The following GLP1R variants were observed in gnomAD, a reference collection of about 807,000 sequenced individuals.
The protein encoded by GLP1R is glucagon like peptide 1 receptor.
GLP1R carries 32 observed loss-of-function variants against 68.4 expected under a neutral mutation model. The ratio of observed to expected loss-of-function variants is 0.47; its 90% CI spans 0.35 to 0.63. The LOEUF (loss-of-function observed/expected upper bound fraction) is 0.63. Ranked by LOEUF, GLP1R falls within the 20% of genes least tolerant of loss-of-function variation. The pLI, the probability that GLP1R is intolerant of heterozygous loss-of-function variation, is 0.00. For missense variants in GLP1R, 502 were observed against 594.9 expected, an observed-to-expected ratio of 0.84 and a Z score of 1.62; for synonymous variants, 263 against 244.4, an observed-to-expected ratio of 1.08 and a Z score of -0.71.
intron 4 of GLP1R, 104 bp downstream of exon 4, chr6:39,065,933 T>C: frequency 1.4e-6 from 1 of 711,316 alleles, no homozygotes; most frequent in South Asian, 1.7e-5. Flanking sequence ...TGTGGTCATT[T>C]CATCCATCTC....
chr6:39,088,377 G>A lies in GLP1R; in HGVS notation c.*2304G>A, dbSNP rs1464677997. Reference sequence around the variant, plus strand: ...CCTAAGCTAAATATGGCTCCAACAGGTCTGGGAACTATTGAATGCAATGTA... The same window carrying A: ...CCTAAGCTAAATATGGCTCCAACAGATCTGGGAACTATTGAATGCAATGTA... On this transcript the variant is annotated 3_prime_UTR_variant, in exon 13 of 13. Transcript: ENST00000373256. Among the ~76,000 whole-genome samples, 1 of 152,072 alleles carries A rather than the reference G, an allele frequency of 6.6e-6. No individual in the cohort carries two copies. Among genetic ancestry groups the A allele is most frequent in the East Asian group, 1.9e-4 (1 of 5,190 alleles).
chr6:39,052,645 G>A (rs1313014193), intron 1 of GLP1R, among the ~76,000 whole-genome samples: 6 of 152,184 alleles, frequency 3.9e-5, no homozygotes, highest in Non-Finnish European at 7.3e-5. Context: ...CCACCACCCC[G>A]GGGGCTTCCA....
rs776147913 is a variant in GLP1R at position 39,087,553 on chromosome 6, G to A, written c.*1480G>A. The A allele has an allele frequency of 2.6e-5, 4 of 152,194 alleles. No homozygotes were observed. Among genetic ancestry groups the A allele is most frequent in the Non-Finnish European group, 4.4e-5 (3 of 68,064 alleles). 9.4% of individuals were successfully genotyped at this position (152,194 alleles called of 1,614,324 possible). ...GAGAGAGCTCGCTCTTGGGAGTCAG[G>A]ACCTCCGGGGAGAGCAGAGGGTTCC... is the stretch of plus-strand genomic sequence containing the variant. On this transcript the variant is annotated 3_prime_UTR_variant, in exon 13 of 13. Coordinates refer to ENST00000373256, the MANE Select transcript of GLP1R (RefSeq NM_002062.5).
intron 5 of GLP1R, among the ~76,000 whole-genome samples, chr6:39,071,976 A>G (rs958092026): frequency 6.6e-6 from 1 of 152,214 alleles, no homozygotes; most frequent in Non-Finnish European, 1.5e-5. Flanking sequence ...GATCTTACCT[A>G]TCTTCTGTTA....
In GLP1R at chr6:39,049,374, G is replaced by C. The variant is rs927162203; in HGVS notation, c.78+456G>C. 6.6e-6 allele frequency among the ~76,000 whole-genome samples: 1 copy of C among 152,120 alleles called. No homozygotes were observed. The highest frequency in any genetic ancestry group is 2.4e-5 in the African/African-American group (1 of 41,424). On this transcript the variant is annotated intron_variant, in intron 1 of 12. Coordinates refer to ENST00000373256, the MANE Select transcript of GLP1R (RefSeq NM_002062.5). This position sits in a 1 kb window ranked among gnomAD's most constrained non-coding sequence, Gnocchi z 4.5. Reference sequence around the variant, plus strand: ...TCCCCAGACAATCCACCTGCTCAAAGACCCTGAGAAGACCCTGGGAGGAGC... The same window carrying C: ...TCCCCAGACAATCCACCTGCTCAAACACCCTGAGAAGACCCTGGGAGGAGC...
In GLP1R at chr6:39,090,246, C is replaced by G. The variant is rs892787687; in HGVS notation, c.*4173C>G. On this transcript the variant is annotated 3_prime_UTR_variant, in exon 13 of 13. Transcript: ENST00000373256. ...TGTCTGCAGTATCTATAAGTACTTC[C>G]GCTCTGTCAAGGAATACAGACTGGC... Among the ~76,000 whole-genome samples the G allele has an allele frequency of 1.3e-5, 2 of 152,172 alleles. No individual in the cohort carries two copies. Among genetic ancestry groups the G allele is most frequent in the Non-Finnish European group, 2.9e-5 (2 of 68,038 alleles).
chr6:39,079,223 A>G lies in GLP1R; in HGVS notation c.1043+23A>G. 2 of 1,514,992 alleles carry G rather than the reference A, an allele frequency of 1.3e-6. No individual in the cohort carries two copies. The highest frequency in any genetic ancestry group is 1.8e-6 in the Non-Finnish European group (2 of 1,089,432). 93.8% of individuals were successfully genotyped at this position (1,514,992 alleles called of 1,614,324 possible). A position where few individuals can be genotyped will look rare whatever the true frequency, so the allele number is the denominator to read the frequency against. On this transcript the variant is annotated intron_variant, in intron 10 of 12. Coordinates refer to ENST00000373256, the MANE Select transcript of GLP1R (RefSeq NM_002062.5). The surrounding 1 kb of genome is among the most constrained non-coding windows in gnomAD (Gnocchi z 4.5). ...CAGGTGATGTAACTGAGCTGGCTTT[A>G]CTGAGGACCCTCAGCAAGTGCCCCT...
At chr6:39,059,906 C>T (rs1161006930) in intron 3 of GLP1R, among the ~76,000 whole-genome samples, 1 of 152,126 alleles carries the variant, frequency 6.6e-6, no homozygotes, top group Admixed American at 6.5e-5. Flanking sequence ...TGGTGGTGCC[C>T]GTTTATGAGC....
At position 39,048,845 on chromosome 6, in the gene GLP1R, C is replaced by A; in HGVS notation, c.5C>A (p.Ala2Asp). Residue 2 changes from alanine (A) to aspartate (D), a missense_variant, in exon 1 of 13, where the codon GCC becomes GAC. Physicochemically the swap from Ala to Asp is moderately radical, Grantham distance 126. Coordinates refer to ENST00000373256, the MANE Select transcript of GLP1R (RefSeq NM_002062.5). The part of the protein sequence containing the change: M[A>D]GAPGPLRLAL... ...CCCAGTCCTGAACTCCCCGCCATGG[C>A]CGGCGCCCCCGGCCCGCTGCGCCTT... The A allele has an allele frequency of 6.8e-7, 1 of 1,471,874 alleles. No individual in the cohort carries two copies. Among genetic ancestry groups the A allele is most frequent in the Non-Finnish European group, 9.1e-7 (1 of 1,103,252 alleles). The allele number at this position is 1,471,874 out of a possible 1,614,324, so 91.2% of individuals were successfully genotyped here.
chr6:39,060,972 C>T (rs1444154872), intron 3 of GLP1R, among the ~76,000 whole-genome samples: 3 of 152,092 alleles, frequency 2.0e-5, no homozygotes, highest in Admixed American at 6.5e-5. Context: ...AGGAGTGTGG[C>T]GGCATTAGGA....
intron 12 of GLP1R, among the ~76,000 whole-genome samples, chr6:39,082,579 C>T (rs1367206479): frequency 1.3e-5 from 2 of 152,102 alleles, no homozygotes; most frequent in Non-Finnish European, 2.9e-5. Flanking sequence ...CAGTCCTGGT[C>T]CTCCTCCACT....
chr6:39,072,227 T>A (rs1299249490), intron 5 of GLP1R, among the ~76,000 whole-genome samples: 1 of 152,216 alleles, frequency 6.6e-6, no homozygotes, highest in Non-Finnish European at 1.5e-5. Context: ...CCTTGCCTTA[T>A]TATAGTGGGC....
At chr6:39,075,068 C>T (rs150443818) in intron 7 of GLP1R, among the ~76,000 whole-genome samples, 14 of 152,356 alleles carry the variant, frequency 9.2e-5, no homozygotes, top group African/African-American at 3.4e-4. Context: ...CCTCCTGACT[C>T]CCAGGCTCTG....
At chr6:39,054,291 G>A (rs1768160160) in intron 1 of GLP1R, among the ~76,000 whole-genome samples, 1 of 152,098 alleles carries the variant, frequency 6.6e-6, no homozygotes, top group South Asian at 2.1e-4. Flanking sequence ...TATGGTTTCT[G>A]TAAATACGAG....
chr6:39,086,555 G>A lies in GLP1R; in HGVS notation c.*482G>A, dbSNP rs1769153015. 1 of 153,526 alleles carries A rather than the reference G, an allele frequency of 6.5e-6. No homozygotes were observed. Among genetic ancestry groups the A allele is most frequent in the Non-Finnish European group, 1.5e-5 (1 of 68,752 alleles). The allele number at this position is 153,526 out of a possible 1,614,324, so 9.5% of individuals were successfully genotyped here. A position where few individuals can be genotyped will look rare whatever the true frequency, so the allele number is the denominator to read the frequency against. ...GGAGCCTCCTCTGCTTGCATCACTT[G>A]GGGTCACCACCCTCCCCTGTCTTCT... On this transcript the variant is annotated 3_prime_UTR_variant, in exon 13 of 13. Coordinates refer to ENST00000373256, the MANE Select transcript of GLP1R (RefSeq NM_002062.5). The surrounding 1 kb of genome is among the most constrained non-coding windows in gnomAD (Gnocchi z 4.5).
At chr6:39,083,679 T>C (rs1484153841) in intron 12 of GLP1R, among the ~76,000 whole-genome samples, 5 of 152,084 alleles carry the variant, frequency 3.3e-5, no homozygotes, top group African/African-American at 1.2e-4. Context: ...TGAAGGTGAA[T>C]GAGCTTCCCA....
chr6:39,064,285 A>G (rs1479415377), intron 3 of GLP1R, among the ~76,000 whole-genome samples: 3 of 152,068 alleles, frequency 2.0e-5, no homozygotes, highest in Non-Finnish European at 4.4e-5. Context: ...GATTACAGGC[A>G]TGAGCCACCA....
intron 3 of GLP1R, among the ~76,000 whole-genome samples, chr6:39,059,655 G>T (rs2150823703): frequency 6.6e-6 from 1 of 152,234 alleles, no homozygotes; most frequent in African/African-American, 2.4e-5. Flanking sequence ...CTTGAGAAAT[G>T]GTAGCTGTTA....
At chr6:39,064,000 C>CT (rs34132463) in intron 3 of GLP1R, among the ~76,000 whole-genome samples, 4,901 of 112,046 alleles carry the variant, frequency 0.044, 420 homozygotes, top group African/African-American at 0.16. Flanking sequence ...AGACTCAGTT[C>CT]TTTTTTTTTT....
Sources: allele counts gnomAD v4.1 joint callset (sites outside exome capture counted in the v4.1 genomes callset), GRCh38; gene constraint gnomAD v4.1.1; non-coding constraint Gnocchi (gnomAD v3.1); transcripts MANE v1.5; gene names NCBI Gene and HGNC (gene_info 2026-07-23, HGNC 2026-07-21).